The following NEBL variants were observed in gnomAD, a reference collection of about 807,000 sequenced individuals.
The protein encoded by NEBL is LIM and SH3 protein 2.
In NEBL, 122 loss-of-function variants were observed where a neutral mutation model predicts 140.2. That is an observed-to-expected ratio of 0.87 (90% CI 0.75 to 1.01). The LOEUF is 1.01. Among genes scored for constraint, NEBL ranks in the 50% least tolerant of loss-of-function variants. The pLI is 0.00. For missense variants in NEBL, 1,365 were observed against 1,231.3 expected (o/e 1.11, Z -1.62); for synonymous variants, 436 against 398.9 (o/e 1.09, Z -1.11).
chr10:20,926,352 A>G (rs992825056), intron 4 of NEBL, among the ~76,000 whole-genome samples: 3 of 152,206 alleles, frequency 2.0e-5, no homozygotes, highest in Non-Finnish European at 4.4e-5. Context: ...AAACTTGACT[A>G]ATTTTTCTAA....
In NEBL at chr10:21,039,147, T is replaced by A. The variant is rs1834149545; in HGVS notation, c.165-18946A>T. ...TTAGACCTTTGTCCAATGGGTTACTTGCATAAATTTTCTCCCATTCTGTAG... is the reference window on the plus strand; with the variant it reads ...TTAGACCTTTGTCCAATGGGTTACTAGCATAAATTTTCTCCCATTCTGTAG... On this transcript the variant is annotated intron_variant, in intron 2 of 6. Transcript: ENST00000417816. Among the ~76,000 whole-genome samples the A allele has an allele frequency of 2.1e-5, 3 of 144,174 alleles. No individual in the cohort carries two copies. In the South Asian group the frequency reaches 7.1e-4, roughly 34 times the overall value. The allele number at this position is 144,174 out of a possible 152,430, so 94.6% of individuals were successfully genotyped here. A position where few individuals can be genotyped will look rare whatever the true frequency, so the allele number is the denominator to read the frequency against.
At chr10:20,803,808 G>GAAAA (rs148789208) in intron 26 of NEBL, among the ~76,000 whole-genome samples, 1,490 of 136,186 alleles carry the variant, frequency 0.011, 17 homozygotes, top group East Asian at 0.051. Flanking sequence ...CCTTCTGTAC[G>GAAAA]AAAAATATAT....
chr10:21,172,320 G>A (rs929772683), intron 2 of NEBL: 11 of 1,296,014 alleles, frequency 8.5e-6, no homozygotes, highest in African/African-American at 1.5e-5. Context: ...AAAACAGGCA[G>A]GTCCACTGGC....
At chr10:21,217,913 C>G (rs954502566) in intron 3 of NEBL, 8 of 152,392 alleles carry the variant, frequency 5.2e-5, no homozygotes, top group African/African-American at 1.9e-4. Flanking sequence ...TACAGCAAGC[C>G]TGTCCATCAC....
chr10:20,833,003 G>A (rs1840560905), intron 14 of NEBL, among the ~76,000 whole-genome samples: 1 of 152,176 alleles, frequency 6.6e-6, no homozygotes, highest in South Asian at 2.1e-4. Context: ...ATGAAACTGA[G>A]GCACTGATAA....
chr10:21,239,757 C>G (rs1043190299), intron 3 of NEBL, among the ~76,000 whole-genome samples: 2 of 152,140 alleles, frequency 1.3e-5, no homozygotes, highest in African/African-American at 4.8e-5. Context: ...GTGGCTCACG[C>G]CTGTAATCCC....
At chr10:21,090,789 G>A (rs145643592) in intron 2 of NEBL, among the ~76,000 whole-genome samples, 1 of 152,148 alleles carries the variant, frequency 6.6e-6, no homozygotes, top group Non-Finnish European at 1.5e-5. Flanking sequence ...ACAGCTCATC[G>A]TTGCTGGCCC....
At chr10:21,096,488 AGTGTGT>A (rs10541564) in intron 2 of NEBL, among the ~76,000 whole-genome samples, 20,958 of 141,464 alleles carry the variant, frequency 0.15, 1,544 homozygotes, top group South Asian at 0.21. Flanking sequence ...CTTGGTTTTG[AGTGTGT>A]GTGTGTGTGT....
chr10:21,132,175 C>A (rs967592186), intron 2 of NEBL, among the ~76,000 whole-genome samples: 1 of 152,140 alleles, frequency 6.6e-6, no homozygotes, highest in Non-Finnish European at 1.5e-5. Flanking sequence ...TAACTGCTAA[C>A]CTACTTTCTG....
intron 1 of NEBL, among the ~76,000 whole-genome samples, chr10:21,262,314 G>C (rs1450118231): frequency 6.6e-6 from 1 of 152,166 alleles, no homozygotes; most frequent in Non-Finnish European, 1.5e-5. Flanking sequence ...AGGTTAAACT[G>C]ATTGAACAAG....
At chr10:21,257,929 A>ACC (rs1212954892) in intron 1 of NEBL, among the ~76,000 whole-genome samples, 1 of 151,756 alleles carries the variant, frequency 6.6e-6, no homozygotes, top group African/African-American at 2.4e-5. Context: ...ACACACACAC[A>ACC]CACTACATAC....
At position 20,817,640 on chromosome 10, in the gene NEBL, T is replaced by C. The variant is rs907637021; in HGVS notation, c.2108A>G (p.Glu703Gly). The change falls in exon 21 of 28, where the codon GAG becomes GGG. Residue 703 changes from glutamate to glycine, a missense_variant. Coordinates refer to ENST00000377122, the MANE Select transcript of NEBL (RefSeq NM_006393.3). ...CTGGTTTTCTTTTGCCCTCTTCAGCTCTGGTGGATCAGAAATTGCAGTTCC... is the reference window on the plus strand; with the variant it reads ...CTGGTTTTCTTTTGCCCTCTTCAGCCCTGGTGGATCAGAAATTGCAGTTCC... ...QRGTAISDPP[E>G]LKRAKENQKN... The C allele has an allele frequency of 5.6e-6, 9 of 1,613,956 alleles. No homozygotes were observed. Among genetic ancestry groups the C allele is most frequent in the African/African-American group, 1.3e-5 (1 of 74,940 alleles).
chr10:20,817,498 C>T lies in NEBL; in HGVS notation c.2148+102G>A, dbSNP rs1838842148. Reference sequence around the variant, plus strand: ...AGTTGTTAGTCAAATGAGAACAGGACATCAGCTCAAGGTTATGAAAATTCT... The same window carrying T: ...AGTTGTTAGTCAAATGAGAACAGGATATCAGCTCAAGGTTATGAAAATTCT... On this transcript the variant is annotated intron_variant, in intron 21 of 27. Coordinates refer to ENST00000377122, the MANE Select transcript of NEBL (RefSeq NM_006393.3). The T allele has an allele frequency of 5.1e-6, 5 of 990,066 alleles. No homozygotes were observed. The Admixed American group carries it at 5.4e-5, about 11-fold the overall frequency. The allele number at this position is 990,066 out of a possible 1,614,324, so 61.3% of individuals were successfully genotyped here.
rs1210614574 is a variant in NEBL, at chr10:20,897,015, A to G, written c.96T>C (p.Pro32=). The change falls in exon 2 of 28, where the codon CCT becomes CCC. Residue 32 remains proline, a synonymous_variant. Transcript: ENST00000377122. ...ENEEDQVFYK[P]VIEDLSMELA... is the part of the protein sequence containing the mutation. ...ATTCCATGCTTAAGTCTTCAATAAC[A>G]GGCTTATAGAAGACCTATTTGAAAA... 4.3e-6 allele frequency: 7 copies of G among 1,613,414 alleles called. No homozygotes were observed. The highest frequency in any genetic ancestry group is 5.9e-6 in the Non-Finnish European group (7 of 1,179,560).
chr10:21,085,162 C>A (rs1836566306), intron 2 of NEBL, among the ~76,000 whole-genome samples: 1 of 152,110 alleles, frequency 6.6e-6, no homozygotes, highest in Admixed American at 6.5e-5. Flanking sequence ...CATGTGAGGA[C>A]CCATTATATT....
intron 1 of NEBL, among the ~76,000 whole-genome samples, chr10:21,269,607 A>G (rs1202714000): frequency 6.6e-6 from 1 of 152,242 alleles, no homozygotes; most frequent in African/African-American, 2.4e-5. Context: ...TTTCATTATC[A>G]AAGATTACTA....
chr10:21,242,506 C>T, intron 3 of NEBL, among the ~76,000 whole-genome samples: 1 of 152,168 alleles, frequency 6.6e-6, no homozygotes, highest in Non-Finnish European at 1.5e-5. Flanking sequence ...CTATCAGGTA[C>T]TATGCTTATT....
chr10:20,934,040 T>C (rs1424664610), intron 4 of NEBL, among the ~76,000 whole-genome samples: 2 of 151,198 alleles, frequency 1.3e-5, no homozygotes, highest in African/African-American at 4.9e-5. Context: ...TGTTGAAATT[T>C]AAAAAAAAAG....
At chr10:20,854,675 C>T (rs1842877714) in intron 9 of NEBL, among the ~76,000 whole-genome samples, 1 of 150,636 alleles carries the variant, frequency 6.6e-6, no homozygotes, top group African/African-American at 2.5e-5. Flanking sequence ...AGCAATCTTC[C>T]CATCTTAGCC....
Sources: gnomAD v4.1 joint callset for allele counts (sites outside exome capture counted in the v4.1 genomes callset) on GRCh38, gnomAD v4.1.1 for gene constraint, MANE v1.5 for transcripts, NCBI Gene and HGNC (gene_info 2026-07-23, HGNC 2026-07-21) for gene names.